APLP2: variants seen among roughly 807,000 people sequenced by gnomAD.
APLP2 encodes amyloid beta precursor like protein 2, also known as CDEI box-binding protein.
APLP2 carries 53 observed loss-of-function variants against 89.9 expected under a neutral mutation model. That is an observed-to-expected ratio of 0.59 (90% confidence interval 0.47 to 0.74). APLP2 has a LOEUF of 0.74. Among genes scored for constraint, APLP2 ranks in the 30% least tolerant of loss-of-function variants. The pLI, the probability that APLP2 is intolerant of heterozygous loss-of-function variation, is 0.00. For missense variants in APLP2, 973 were observed against 975.9 expected (o/e 1.00, Z 0.04); for synonymous variants, 372 against 348.6 (o/e 1.07, Z -0.75).
chr11:130,137,654 G>A (rs1258337779), intron 13 of APLP2, among the ~76,000 whole-genome samples: 1 of 152,210 alleles, frequency 6.6e-6, no homozygotes, highest in Admixed American at 6.5e-5. Context: ...GTATAAATAT[G>A]CCTTATTTAC....
intron 12 of APLP2, 62 bp from the exon 13 acceptor site, chr11:130,135,501 C>T: frequency 6.4e-7 from 1 of 1,572,178 alleles, no homozygotes; most frequent in Non-Finnish European, 8.7e-7. Context: ...CTAGAGCATC[C>T]TGTGCCTGGA....
chr11:130,108,877 G>C (rs1487638459), intron 1 of APLP2: 2 of 152,238 alleles, frequency 1.3e-5, no homozygotes, highest in Non-Finnish European at 2.9e-5. Flanking sequence ...GCCATAAAAA[G>C]GTTGAGTTCA....
chr11:130,103,593 G>A (rs1429097304), intron 1 of APLP2, among the ~76,000 whole-genome samples: 1 of 152,140 alleles, frequency 6.6e-6, no homozygotes, highest in South Asian at 2.1e-4. Context: ...CATTTATACA[G>A]TTGGAACTCT....
At chr11:130,136,920 C>T (rs1025493196) in intron 13 of APLP2, among the ~76,000 whole-genome samples, 4 of 152,140 alleles carry the variant, frequency 2.6e-5, no homozygotes, top group African/African-American at 9.7e-5. Context: ...TGTCAGCAAA[C>T]CACAACCAAC....
In APLP2 at chr11:130,143,348, T is replaced by C; in HGVS notation, c.2156T>C (p.Val719Ala). The change falls in exon 17 of 17, where the codon GTT becomes GCT. Residue 719 changes from valine (V) to alanine (A), a missense_variant and splice_region_variant. Physicochemically the swap from Val to Ala is moderately conservative, Grantham distance 64. Transcript: ENST00000338167. ...GACCCTCAGGTTTTGTTCTTCCAGG[T>C]TGATCCAATGCTCACCCCAGAAGAG... The part of the protein sequence containing the change: ...YGTISHGIVE[V>A]DPMLTPEERH... The C allele has an allele frequency of 6.2e-7, 1 of 1,613,812 alleles. No homozygotes were observed. The highest frequency in any genetic ancestry group is 8.5e-7 in the Non-Finnish European group (1 of 1,179,852).
chr11:130,130,840 A>G (rs578165647), intron 11 of APLP2, among the ~76,000 whole-genome samples: 1 of 152,354 alleles, frequency 6.6e-6, no homozygotes, highest in East Asian at 1.9e-4. Flanking sequence ...CACTTACTGC[A>G]CGGGTGCTGG....
chr11:130,109,852 G>A (rs11602475), intron 2 of APLP2: 2 of 383,944 alleles, frequency 5.2e-6, no homozygotes, highest in Non-Finnish European at 9.2e-6. Flanking sequence ...TGCCATGGGA[G>A]TGCAGCCTGC....
At chr11:130,119,673 T>C (rs1414382107) in intron 3 of APLP2, among the ~76,000 whole-genome samples, 1 of 152,262 alleles carries the variant, frequency 6.6e-6, no homozygotes, top group Non-Finnish European at 1.5e-5. Context: ...CTGTACCCTT[T>C]ACCTAGATTC....
chr11:130,091,544 T>C (rs1591779842), intron 1 of APLP2, among the ~76,000 whole-genome samples: 14 of 134,210 alleles, frequency 1.0e-4, no homozygotes, highest in East Asian at 2.5e-4. Flanking sequence ...GGCGGGGGGC[T>C]GACCCCCCCA....
chr11:130,121,525 A>G (rs955029240), intron 4 of APLP2, 89 bp from the exon 5 acceptor site: 15 of 1,395,404 alleles, frequency 1.1e-5, no homozygotes, highest in Admixed American at 1.0e-4. Context: ...TGATTTGATA[A>G]GGGTTTATTT....
chr11:130,134,361 G>A (rs1328883706), intron 12 of APLP2, among the ~76,000 whole-genome samples: 1 of 152,212 alleles, frequency 6.6e-6, no homozygotes, highest in Non-Finnish European at 1.5e-5. Context: ...CACAGCGGGA[G>A]AGCACGTTGG....
intron 1 of APLP2, chr11:130,100,516 G>A (rs1946764914): frequency 6.6e-6 from 1 of 151,996 alleles, no homozygotes. Flanking sequence ...TAGCTCTCAT[G>A]TCAGAGACAC....
intron 1 of APLP2, among the ~76,000 whole-genome samples, chr11:130,090,987 G>A (rs35115709): frequency 7.0e-6 from 1 of 142,680 alleles, no homozygotes. Flanking sequence ...CTGGCCGGGC[G>A]GGGGGCCGAC....
intron 1 of APLP2, among the ~76,000 whole-genome samples, chr11:130,077,512 G>A (rs12363401): frequency 0.031 from 4,728 of 151,874 alleles, 98 homozygotes; most frequent in Non-Finnish European, 0.051. Context: ...CTTTAATTAT[G>A]AGCATTCCCC....
Position 130,109,573 on chromosome 11 carries a change from A to G in APLP2, c.250A>G (p.Lys84Glu), listed in dbSNP as rs921201292. Residue 84 changes from lysine (K) to glutamate (E), a missense_variant, in exon 2 of 17, where the codon AAA (lysine) becomes GAA (glutamate). Lys to Glu is a moderately conservative substitution (Grantham distance 56, BLOSUM62 1). Coordinates refer to ENST00000338167, the MANE Select transcript of APLP2 (RefSeq NM_001142276.2). ...AGGCACCAAGAGCTGCTTTGAAACA[A>G]AAGAAGAAGTTCTTCAGTACTGTCA... is the stretch of plus-strand genomic sequence containing the variant. ...PTGTKSCFET[K>E]EEVLQYCQEM... 10 of 1,613,292 alleles carry G rather than the reference A, an allele frequency of 6.2e-6. No homozygotes were observed. The highest frequency in any genetic ancestry group is 6.8e-6 in the Non-Finnish European group (8 of 1,179,678).
chr11:130,083,021 C>CTTTTTTTTTTTTTTTTTT (rs1469566240), intron 1 of APLP2, among the ~76,000 whole-genome samples: 6 of 79,976 alleles, frequency 7.5e-5, no homozygotes, highest in African/African-American at 2.5e-4. Flanking sequence ...TGAAACTTTT[C>CTTTTTTTTTTTTTTTTTT]TTTTCTTTTT....
intron 1 of APLP2, among the ~76,000 whole-genome samples, chr11:130,106,605 C>T (rs1470069057): frequency 1.3e-5 from 2 of 152,212 alleles, no homozygotes; most frequent in Non-Finnish European, 2.9e-5. Context: ...AACATTGCCT[C>T]CATATGGGAT....
chr11:130,091,714 G>T (rs1307683168), intron 1 of APLP2, among the ~76,000 whole-genome samples: 1 of 102,534 alleles, frequency 9.8e-6, no homozygotes, highest in Non-Finnish European at 2.0e-5. Flanking sequence ...CTGGCCGGGC[G>T]GGGGGCTGAC....
chr11:130,135,145 A>G (rs1487874252), intron 12 of APLP2, among the ~76,000 whole-genome samples: 1 of 152,136 alleles, frequency 6.6e-6, no homozygotes, highest in Non-Finnish European at 1.5e-5. Flanking sequence ...TGTAGTTAGT[A>G]ATATCGTACT....
Sources: gnomAD v4.1 joint callset for allele counts (sites outside exome capture counted in the v4.1 genomes callset) on GRCh38, gnomAD v4.1.1 for gene constraint, MANE v1.5 for transcripts, NCBI Gene and HGNC (gene_info 2026-07-23, HGNC 2026-07-21) for gene names.